SPINT2: variants seen among roughly 807,000 people sequenced by gnomAD.
SPINT2 encodes the protein kunitz-type protease inhibitor 2.
SPINT2 carries 18 observed loss-of-function variants against 30.1 expected under a neutral mutation model. The ratio of observed to expected loss-of-function variants is 0.60; its 90% CI spans 0.41 to 0.89. The LOEUF (loss-of-function observed/expected upper bound fraction) is 0.89. Among genes scored for constraint, SPINT2 ranks in the 40% least tolerant of loss-of-function variants. The pLI is 0.00. For synonymous variants in SPINT2, 139 were observed against 137.9 expected (o/e 1.01, Z -0.05); for missense variants, 276 against 334.3 (o/e 0.83, Z 1.36).
At chr19:38,283,991 A>C (rs1236478674) in intron 2 of SPINT2, among the ~76,000 whole-genome samples, 194 bp downstream of exon 2, 1 of 151,510 alleles carries the variant, frequency 6.6e-6, no homozygotes, top group Admixed American at 6.6e-5. Flanking sequence ...ACGGGCACCC[A>C]CCATCACGCC....
rs905790290 is a variant in SPINT2, at chr19:38,282,186, G to A, written c.107-1441G>A. 6.6e-5 allele frequency among the ~76,000 whole-genome samples: 10 copies of A among 152,218 alleles called. No individual in the cohort carries two copies. In the East Asian group the frequency reaches 1.9e-3, roughly 29 times the overall value. On this transcript the variant is annotated intron_variant, in intron 1 of 6. Coordinates refer to ENST00000301244, the MANE Select transcript of SPINT2 (RefSeq NM_021102.4). The stretch of plus-strand genomic sequence containing the variant: ...AACATCTGGTTTCATGCCCATCACT[G>A]TGACATATTTGGGGAGACACAACAG...
At chr19:38,280,184 G>T (rs369530004) in intron 1 of SPINT2, among the ~76,000 whole-genome samples, 1 of 152,140 alleles carries the variant, frequency 6.6e-6, no homozygotes. Context: ...GCTAGAAGAG[G>T]CACTGGCTCA....
At chr19:38,280,517 C>G (rs1488966010) in intron 1 of SPINT2, among the ~76,000 whole-genome samples, 1 of 152,034 alleles carries the variant, frequency 6.6e-6, no homozygotes, top group East Asian at 1.9e-4. Context: ...GGCCAGTGCT[C>G]CTGTGTCTCC....
At chr19:38,277,033 C>G (rs1006521409) in intron 1 of SPINT2, among the ~76,000 whole-genome samples, 1 of 151,936 alleles carries the variant, frequency 6.6e-6, no homozygotes, top group Non-Finnish European at 1.5e-5. Context: ...AACTCCTAAC[C>G]CCAGGTGATC....
At chr19:38,284,916 A>G (rs994638932) in intron 2 of SPINT2, among the ~76,000 whole-genome samples, 3 of 151,962 alleles carry the variant, frequency 2.0e-5, no homozygotes, top group Non-Finnish European at 4.4e-5. Context: ...GGGTTTCGCT[A>G]TGTTGGCCAA....
rs370877740 is a variant in SPINT2, at chr19:38,283,642, C to T, written c.122C>T (p.Ser41Leu). The change falls in exon 2 of 7, where the codon TCG becomes TTG. Residue 41 changes from serine to leucine, a missense_variant. Physicochemically the swap from Ser to Leu is moderately radical, Grantham distance 145. Transcript: ENST00000301244. Reference sequence around the variant, plus strand: ...CGCGTTTCAGACTTCTGCCTGGTGTCGAAGGTGGTGGGCAGATGCCGGGCC... The same window carrying T: ...CGCGTTTCAGACTTCTGCCTGGTGTTGAAGGTGGTGGGCAGATGCCGGGCC... ...ERSIHDFCLV[S>L]KVVGRCRASM... The T allele has an allele frequency of 1.9e-5, 30 of 1,613,832 alleles. No homozygotes were observed. Among genetic ancestry groups the T allele is most frequent in the South Asian group, 4.4e-5 (4 of 91,060 alleles).
intron 1 of SPINT2, among the ~76,000 whole-genome samples, chr19:38,267,054 C>G (rs1968387307): frequency 6.6e-6 from 1 of 152,114 alleles, no homozygotes; most frequent in African/African-American, 2.4e-5. Flanking sequence ...AGTTACTTGC[C>G]TTGCCCGAGG....
chr19:38,287,815 C>T, intron 2 of SPINT2, 61 bp from the exon 3 acceptor site: 1 of 1,580,550 alleles, frequency 6.3e-7, no homozygotes, highest in South Asian at 1.1e-5. Context: ...CCAGCTCATT[C>T]TTTGTCCCTG....
At chr19:38,282,163 C>T (rs1468698123) in intron 1 of SPINT2, among the ~76,000 whole-genome samples, 1 of 152,176 alleles carries the variant, frequency 6.6e-6, no homozygotes, top group African/African-American at 2.4e-5. Flanking sequence ...TTCTGTGGAA[C>T]ATCTGGTTTC....
At chr19:38,278,917 T>G (rs900085158) in intron 1 of SPINT2, among the ~76,000 whole-genome samples, 1 of 152,152 alleles carries the variant, frequency 6.6e-6, no homozygotes, top group African/African-American at 2.4e-5. Context: ...ACTGCCTCCA[T>G]TAAAACAAAT....
rs2288910 is a variant in SPINT2, at chr19:38,291,063, C to T, written c.592+488C>T. On this transcript the variant is annotated intron_variant, in intron 6 of 6. Coordinates refer to ENST00000301244, the MANE Select transcript of SPINT2 (RefSeq NM_021102.4). ...AAAAGACCTGCCATGCCAGTCTGGCCTCTTTCTCCACCTGTTTCCCGGTGA... is the reference window on the plus strand; with the variant it reads ...AAAAGACCTGCCATGCCAGTCTGGCTTCTTTCTCCACCTGTTTCCCGGTGA... The T allele has an allele frequency of 1.3e-4, 29 of 220,934 alleles. 1 individual carries two copies. In the East Asian group the frequency reaches 3.2e-3, roughly 25 times the overall value. 13.7% of individuals were successfully genotyped at this position (220,934 alleles called of 1,614,324 possible). A position where few individuals can be genotyped will look rare whatever the true frequency, so the allele number is the denominator to read the frequency against.
rs1968702522 is a variant in SPINT2 at position 38,290,376 on chromosome 19, CT to C, written c.553+98del. On this transcript the variant is annotated intron_variant, in intron 5 of 6. Coordinates refer to ENST00000301244, the MANE Select transcript of SPINT2 (RefSeq NM_021102.4). This position sits in a 1 kb window ranked among gnomAD's most constrained non-coding sequence, Gnocchi z 4.3. ...ATATGAAGGCCTTGGAAATGCTGTT[CT>C]TGGGCCCACCAGGGCAGCAAGGCCT... The C allele has an allele frequency of 1.3e-6, 2 of 1,577,690 alleles. No individual in the cohort carries two copies. The highest frequency in any genetic ancestry group is 1.7e-6 in the Non-Finnish European group (2 of 1,161,872).
intron 1 of SPINT2, among the ~76,000 whole-genome samples, chr19:38,267,336 G>C (rs918729340): frequency 1.3e-5 from 2 of 152,208 alleles, no homozygotes; most frequent in Non-Finnish European, 2.9e-5. Flanking sequence ...CATCCACTGG[G>C]AGTGTGGTGT....
chr19:38,288,971 G>C (rs2146278657), intron 3 of SPINT2, 167 bp from the exon 4 acceptor site: 2 of 676,700 alleles, frequency 3.0e-6, no homozygotes, highest in Middle Eastern at 7.3e-4. Flanking sequence ...TGTGCGTAGA[G>C]CCCATTAGGG....
chr19:38,265,220 C>T (rs184179420), intron 1 of SPINT2: 3 of 502,362 alleles, frequency 6.0e-6, no homozygotes, highest in African/African-American at 4.0e-5. Flanking sequence ...AGGAGAGTTT[C>T]CTTCGGGTGG....
intron 1 of SPINT2, among the ~76,000 whole-genome samples, chr19:38,266,497 G>T (rs934430389): frequency 6.6e-6 from 1 of 152,056 alleles, no homozygotes; most frequent in African/African-American, 2.4e-5. Flanking sequence ...GCAACATGAT[G>T]AAACCCCGTC....
At chr19:38,271,442 A>G (rs991124453) in intron 1 of SPINT2, among the ~76,000 whole-genome samples, 2 of 151,886 alleles carry the variant, frequency 1.3e-5, no homozygotes, top group African/African-American at 4.8e-5. Context: ...CAGTGAGCTG[A>G]GATCATGCCA....
intron 1 of SPINT2, among the ~76,000 whole-genome samples, chr19:38,278,332 T>C (rs1189061916): frequency 6.6e-6 from 1 of 152,120 alleles, no homozygotes; most frequent in Non-Finnish European, 1.5e-5. Context: ...GTCTGAAGGG[T>C]CGTGTTAGTG....
At chr19:38,287,351 A>G (rs1227526791) in intron 2 of SPINT2, among the ~76,000 whole-genome samples, 1 of 152,190 alleles carries the variant, frequency 6.6e-6, no homozygotes, top group African/African-American at 2.4e-5. Context: ...GGCGCGTGCC[A>G]CCACACCCGG....
Sources: allele counts gnomAD v4.1 joint callset (sites outside exome capture counted in the v4.1 genomes callset), GRCh38; gene constraint gnomAD v4.1.1; non-coding constraint Gnocchi (gnomAD v3.1); transcripts MANE v1.5; gene names NCBI Gene and HGNC (gene_info 2026-07-23, HGNC 2026-07-21).